CACNA2D3: variants seen among roughly 807,000 people sequenced by gnomAD.
The protein encoded by CACNA2D3 is calcium voltage-gated channel auxiliary subunit alpha2delta 3.
Under a neutral mutation model 160.6 loss-of-function variants are expected in CACNA2D3, and 60 were observed. The ratio of observed to expected loss-of-function variants is 0.37; its 90% CI spans 0.30 to 0.46. CACNA2D3 has a LOEUF of 0.46. CACNA2D3 is among the 20% of genes least tolerant of loss of function. The probability of loss-of-function intolerance (pLI) is 1.00; values close to 1 mark genes in which losing one functional copy is unlikely to be tolerated. For missense variants in CACNA2D3, 1,205 were observed against 1,365.0 expected (o/e 0.88, Z 1.85); for synonymous variants, 558 against 492.9 (o/e 1.13, Z -1.75).
intron 34 of CACNA2D3, among the ~76,000 whole-genome samples, chr3:55,011,909 A>G (rs1165303337): frequency 1.4e-5 from 2 of 138,516 alleles, no homozygotes; most frequent in Non-Finnish European, 3.2e-5. Context: ...CCACAATTTT[A>G]CTAATAGGAG....
chr3:55,033,840 T>C (rs1171427130), intron 35 of CACNA2D3, among the ~76,000 whole-genome samples: 1 of 114,770 alleles, frequency 8.7e-6, no homozygotes, highest in Non-Finnish European at 1.7e-5. Context: ...ATATATAATA[T>C]ATATTACATA....
chr3:55,033,813 T>TATATTAC (rs1703744122), intron 35 of CACNA2D3, among the ~76,000 whole-genome samples: 1 of 61,342 alleles, frequency 1.6e-5, no homozygotes, highest in African/African-American at 7.0e-5. Flanking sequence ...ATATGTATTA[T>TATATTAC]ATATTAAATA....
intron 11 of CACNA2D3, among the ~76,000 whole-genome samples, chr3:54,655,266 C>T (rs1252424359): frequency 1.3e-5 from 2 of 152,148 alleles, no homozygotes; most frequent in African/African-American, 4.8e-5. Flanking sequence ...TGTCTGGATG[C>T]TGACAACTCA....
intron 4 of CACNA2D3, among the ~76,000 whole-genome samples, chr3:54,494,010 C>G (rs1288523878): frequency 1.3e-5 from 2 of 152,254 alleles, no homozygotes; most frequent in Non-Finnish European, 2.9e-5. Flanking sequence ...GGGCCAGTAT[C>G]TGGTGAACAA....
At chr3:54,295,975 C>T (rs1331744817) in intron 2 of CACNA2D3, among the ~76,000 whole-genome samples, 1 of 152,110 alleles carries the variant, frequency 6.6e-6, no homozygotes, top group East Asian at 1.9e-4. Flanking sequence ...TGGGCTTTGA[C>T]AAAAGGGTAG....
chr3:54,710,121 G>A (rs1700928814), intron 11 of CACNA2D3, among the ~76,000 whole-genome samples: 1 of 152,126 alleles, frequency 6.6e-6, no homozygotes, highest in African/African-American at 2.4e-5. Flanking sequence ...CACCTATTGT[G>A]TACCAGGCAT....
chr3:55,018,357 T>C (rs1382137120), intron 35 of CACNA2D3, 40 bp downstream of exon 35: 2 of 1,270,756 alleles, frequency 1.6e-6, no homozygotes, highest in Non-Finnish European at 2.3e-6. Context: ...TACACCTTTC[T>C]GCTCAGCACA....
chr3:54,375,598 A>G (rs1051757317), intron 3 of CACNA2D3, among the ~76,000 whole-genome samples: 15 of 152,316 alleles, frequency 9.8e-5, no homozygotes, highest in Admixed American at 3.3e-4. Context: ...CTGGGGCCAG[A>G]AAGATGGCTG....
chr3:54,819,097 A>G (rs1703527397), intron 14 of CACNA2D3, among the ~76,000 whole-genome samples: 1 of 151,542 alleles, frequency 6.6e-6, no homozygotes, highest in Non-Finnish European at 1.5e-5. Context: ...CACTTGCAAG[A>G]GGCCTTTGCC....
intron 31 of CACNA2D3, 26 bp downstream of exon 31, chr3:54,987,779 T>TC: frequency 3.9e-6 from 6 of 1,542,430 alleles, no homozygotes; most frequent in Non-Finnish European, 5.3e-6. Context: ...TCCACTGCAT[T>TC]CCCCCCAAAA....
chr3:54,178,469 C>T (rs1700716030), intron 2 of CACNA2D3, among the ~76,000 whole-genome samples: 1 of 152,170 alleles, frequency 6.6e-6, no homozygotes, highest in Admixed American at 6.5e-5. Context: ...CCTCCTGAGT[C>T]TCCACACTGG....
chr3:54,764,660 T>A (rs1480635723), intron 13 of CACNA2D3, among the ~76,000 whole-genome samples: 1 of 152,210 alleles, frequency 6.6e-6, no homozygotes, highest in Non-Finnish European at 1.5e-5. Context: ...TAGCAATGAT[T>A]ACAAGCATTC....
At chr3:54,468,722 G>C (rs1700674048) in intron 4 of CACNA2D3, among the ~76,000 whole-genome samples, 1 of 152,256 alleles carries the variant, frequency 6.6e-6, no homozygotes, top group Non-Finnish European at 1.5e-5. Context: ...AGTCTACCTG[G>C]GATGCTCAAG....
intron 2 of CACNA2D3, among the ~76,000 whole-genome samples, chr3:54,259,932 A>T (rs1439061448): frequency 6.6e-6 from 1 of 152,190 alleles, no homozygotes; most frequent in Non-Finnish European, 1.5e-5. Flanking sequence ...CTCTGCTAAG[A>T]TTCCTTAATG....
chr3:54,869,063 AGTG>A (rs904842196), intron 17 of CACNA2D3, among the ~76,000 whole-genome samples: 1 of 152,208 alleles, frequency 6.6e-6, no homozygotes, highest in Non-Finnish European at 1.5e-5. Flanking sequence ...ATGTGATGTG[AGTG>A]GTGTGACACG....
At chr3:54,228,831 G>A (rs1238527853) in intron 2 of CACNA2D3, among the ~76,000 whole-genome samples, 2 of 152,114 alleles carry the variant, frequency 1.3e-5, no homozygotes, top group Non-Finnish European at 2.9e-5. Flanking sequence ...TTCAATTTGG[G>A]CTTCAGACAT....
intron 3 of CACNA2D3, among the ~76,000 whole-genome samples, chr3:54,339,156 C>T (rs905698944): frequency 6.6e-6 from 1 of 152,188 alleles, no homozygotes; most frequent in African/African-American, 2.4e-5. Context: ...CTCTCCCAGC[C>T]CCTCTTCTGC....
At chr3:54,577,333 C>T (rs1197976936) in intron 8 of CACNA2D3, among the ~76,000 whole-genome samples, 3 of 152,220 alleles carry the variant, frequency 2.0e-5, no homozygotes, top group East Asian at 1.9e-4. Context: ...CCAAAGACCC[C>T]GGTCCCTGGG....
chr3:55,033,713 A>G (rs5008696), intron 35 of CACNA2D3, among the ~76,000 whole-genome samples: 1 of 87,420 alleles, frequency 1.1e-5, no homozygotes, highest in Non-Finnish European at 2.3e-5. Context: ...TATATAATAT[A>G]TATTATATAT....
Sources: gnomAD v4.1 joint callset for allele counts (sites outside exome capture counted in the v4.1 genomes callset) on GRCh38, gnomAD v4.1.1 for gene constraint, MANE v1.5 for transcripts, NCBI Gene and HGNC (gene_info 2026-07-23, HGNC 2026-07-21) for gene names.